Variants in BMPR1B observed in about 807,000 individuals in gnomAD.
The protein encoded by BMPR1B is bone morphogenetic protein receptor type-1B.
BMPR1B carries 12 observed loss-of-function variants against 59.1 expected under a neutral mutation model. That is an observed-to-expected ratio of 0.20 (90% CI 0.13 to 0.33). The LOEUF is 0.33. BMPR1B is among the 10% of genes least tolerant of loss of function. BMPR1B has a pLI of 1.00. For synonymous variants in BMPR1B, 237 were observed against 207.3 expected, an observed-to-expected ratio of 1.14 and a Z score of -1.23; for missense variants, 550 against 610.9, an observed-to-expected ratio of 0.90 and a Z score of 1.05.
chr4:94,794,421 G>A (rs1160775189), intron 1 of BMPR1B, among the ~76,000 whole-genome samples: 1 of 150,402 alleles, frequency 6.6e-6, no homozygotes, highest in Non-Finnish European at 1.5e-5. Context: ...GGTAACTGTA[G>A]CCTTGTAGTA....
At chr4:94,792,509 C>CT (rs978929835) in intron 1 of BMPR1B, among the ~76,000 whole-genome samples, 7 of 151,760 alleles carry the variant, frequency 4.6e-5, no homozygotes, top group African/African-American at 1.7e-4. Context: ...ACACTTTTTG[C>CT]TTTTTTTAGT....
At chr4:95,004,706 A>G (rs572252863) in intron 3 of BMPR1B, among the ~76,000 whole-genome samples, 1 of 152,258 alleles carries the variant, frequency 6.6e-6, no homozygotes, top group South Asian at 2.1e-4. Context: ...TTAATGTATC[A>G]TTATTCCCAG....
intron 4 of BMPR1B, among the ~76,000 whole-genome samples, chr4:95,110,924 T>C (rs1731585371): frequency 6.6e-6 from 1 of 152,180 alleles, no homozygotes; most frequent in Non-Finnish European, 1.5e-5. Context: ...CTAAAAGTTA[T>C]GTGTATCTTT....
chr4:95,012,635 T>C (rs990906936), intron 3 of BMPR1B, among the ~76,000 whole-genome samples: 1 of 152,198 alleles, frequency 6.6e-6, no homozygotes, highest in African/African-American at 2.4e-5. Context: ...ACAGTTATTT[T>C]TGATGCTTTT....
chr4:94,812,502 T>C (rs1257625451), intron 1 of BMPR1B, among the ~76,000 whole-genome samples: 1 of 152,214 alleles, frequency 6.6e-6, no homozygotes, highest in African/African-American at 2.4e-5. Context: ...TTGATCAGAC[T>C]AGCGTGACAG....
chr4:94,798,000 G>A (rs573026995), intron 1 of BMPR1B, among the ~76,000 whole-genome samples: 4 of 152,254 alleles, frequency 2.6e-5, no homozygotes, highest in South Asian at 2.1e-4. Context: ...TTTCTTCATC[G>A]TAATAGTATT....
chr4:95,104,906 G>A (rs1257321468), intron 4 of BMPR1B, among the ~76,000 whole-genome samples: 3 of 141,196 alleles, frequency 2.1e-5, no homozygotes, highest in African/African-American at 8.1e-5. Flanking sequence ...AAATGCGTGT[G>A]ATTTTGTTTG....
intron 2 of BMPR1B, among the ~76,000 whole-genome samples, chr4:94,941,718 A>T (rs1330089457): frequency 3.9e-5 from 6 of 152,238 alleles, no homozygotes; most frequent in Admixed American, 3.3e-4. Flanking sequence ...TTTTCAGTGA[A>T]TTGCTCTGTG....
intron 3 of BMPR1B, among the ~76,000 whole-genome samples, chr4:95,020,200 G>A (rs187837693): frequency 1.3e-5 from 2 of 152,202 alleles, no homozygotes; most frequent in East Asian, 3.9e-4. Context: ...TATTTTTACT[G>A]CTAGGTAGGG....
At chr4:95,107,913 T>G (rs1249315002) in intron 4 of BMPR1B, among the ~76,000 whole-genome samples, 1 of 152,030 alleles carries the variant, frequency 6.6e-6, no homozygotes, top group Non-Finnish European at 1.5e-5. Flanking sequence ...CCACATTTGT[T>G]TCTTTGTCCT....
intron 1 of BMPR1B, among the ~76,000 whole-genome samples, chr4:94,873,622 A>C (rs1726592339): frequency 6.6e-6 from 1 of 151,968 alleles, no homozygotes; most frequent in African/African-American, 2.4e-5. Context: ...GTTGGCCAAG[A>C]TGGTCTCGAT....
At chr4:95,015,848 A>G (rs1723547616) in intron 3 of BMPR1B, among the ~76,000 whole-genome samples, 1 of 152,056 alleles carries the variant, frequency 6.6e-6, no homozygotes, top group African/African-American at 2.4e-5. Context: ...ACATGCCACC[A>G]CGCCCAGCTC....
chr4:94,852,011 G>C (rs1725585029), intron 1 of BMPR1B, among the ~76,000 whole-genome samples: 1 of 152,190 alleles, frequency 6.6e-6, no homozygotes, highest in Admixed American at 6.5e-5. Context: ...ACATTGTGTA[G>C]ATTGGAAATA....
At chr4:94,942,281 C>G (rs1055925064) in intron 2 of BMPR1B, among the ~76,000 whole-genome samples, 1 of 152,108 alleles carries the variant, frequency 6.6e-6, no homozygotes, top group Non-Finnish European at 1.5e-5. Context: ...CTATTAAAGT[C>G]GAGGAAAATA....
chr4:94,928,989 A>G (rs987525095), intron 2 of BMPR1B, among the ~76,000 whole-genome samples: 2 of 152,130 alleles, frequency 1.3e-5, no homozygotes, highest in African/African-American at 4.8e-5. Context: ...AACAAATAAA[A>G]TGATTTGTGA....
intron 2 of BMPR1B, among the ~76,000 whole-genome samples, chr4:94,914,452 C>G (rs1261933986): frequency 2.0e-5 from 3 of 152,112 alleles, no homozygotes; most frequent in Non-Finnish European, 4.4e-5. Context: ...ATCAGAGTCA[C>G]TCTGAAAGTG....
chr4:94,913,044 T>C (rs2149014377), intron 2 of BMPR1B, among the ~76,000 whole-genome samples: 1 of 152,272 alleles, frequency 6.6e-6, no homozygotes, highest in Middle Eastern at 3.4e-3. Context: ...AAATTATAAC[T>C]TTTAAATACA....
At chr4:95,107,784 G>A (rs1056365837) in intron 4 of BMPR1B, among the ~76,000 whole-genome samples, 2 of 152,056 alleles carry the variant, frequency 1.3e-5, no homozygotes, top group South Asian at 4.1e-4. Flanking sequence ...TCTGACATTG[G>A]TTCTGAAAGG....
At chr4:95,074,989 T>G (rs923859325) in intron 3 of BMPR1B, among the ~76,000 whole-genome samples, 7 of 152,268 alleles carry the variant, frequency 4.6e-5, no homozygotes, top group African/African-American at 1.7e-4. Flanking sequence ...TTTGCAGAAG[T>G]AGGCACTGAC....
Sources: gnomAD v4.1 joint callset for allele counts (sites outside exome capture counted in the v4.1 genomes callset) on GRCh38, gnomAD v4.1.1 for gene constraint, MANE v1.5 for transcripts, NCBI Gene and HGNC (gene_info 2026-07-23, HGNC 2026-07-21) for gene names.